Variants in POLR2C observed in about 807,000 individuals in gnomAD.
POLR2C encodes the protein DNA-directed RNA polymerase II subunit RPB3.
In POLR2C, 36 loss-of-function variants were observed where a neutral mutation model predicts 41.7. That is an observed-to-expected ratio of 0.86 (90% CI 0.66 to 1.14). The LOEUF (loss-of-function observed/expected upper bound fraction) is 1.14, where lower values mean the gene tolerates loss of function less well. Ranked by LOEUF, POLR2C falls within the 50% of genes most tolerant of loss-of-function variation. The pLI is 0.00. For synonymous variants in POLR2C, 133 were observed against 137.8 expected, an observed-to-expected ratio of 0.96 and a Z score of 0.25; for missense variants, 260 against 350.4, an observed-to-expected ratio of 0.74 and a Z score of 2.06.
intron 2 of POLR2C, 95 bp downstream of exon 2, chr16:57,463,173 G>A: frequency 9.8e-7 from 1 of 1,015,242 alleles, no homozygotes; most frequent in East Asian, 2.4e-5. Context: ...CCTTGGTTCG[G>A]GCTGAGGGTG....
chr16:57,469,446 T>C lies in POLR2C; in HGVS notation c.387+153T>C, dbSNP rs1290182387. The C allele has an allele frequency of 3.8e-5, 33 of 873,066 alleles. No homozygotes were observed. Among genetic ancestry groups the C allele is most frequent in the Non-Finnish European group, 6.0e-5 (32 of 536,914 alleles). 54.1% of individuals were successfully genotyped at this position (873,066 alleles called of 1,614,324 possible). On this transcript the variant is annotated intron_variant, in intron 5 of 8. Transcript: ENST00000219252. This position sits in a 1 kb window ranked among gnomAD's most constrained non-coding sequence, Gnocchi z 5.8. ...ATCCCTAGAAGTGCTAATTCTGGAT[T>C]CCTCTTGGGCATCGTTAGCATCGTT...
In POLR2C at chr16:57,471,021, A is replaced by G. The variant is rs1388197071; in HGVS notation, c.730A>G (p.Ile244Val). The change falls in exon 9 of 9, where the codon ATT becomes GTT. Residue 244 changes from isoleucine to valine, a missense_variant. By Grantham distance (29) the Ile-to-Val change is conservative (BLOSUM62 3). Coordinates refer to ENST00000219252, the MANE Select transcript of POLR2C (RefSeq NM_032940.3). ...CTGTGGCTCTCTGCGTCCTGAAACC[A>G]TTGTCCTGTCAGCCCTCTCAGGATT... Reference protein sequence around the residue: ...ESCGSLRPETIVLSALSGLKK... With the variant: ...ESCGSLRPETVVLSALSGLKK... 1.9e-6 allele frequency: 3 copies of G among 1,613,556 alleles called. No homozygotes were observed. The highest frequency in any genetic ancestry group is 2.7e-5 in the African/African-American group (2 of 74,862).
intron 2 of POLR2C, chr16:57,463,555 A>G: frequency 9.6e-6 from 4 of 417,004 alleles, no homozygotes; most frequent in South Asian, 6.8e-5. Flanking sequence ...TTCCAGCTCT[A>G]GTAGTCACCA....
Position 57,466,335 on chromosome 16 carries a change from G to C in POLR2C, c.258+108G>C, listed in dbSNP as rs538163088. On this transcript the variant is annotated intron_variant, in intron 4 of 8. Transcript: ENST00000219252. ...CAGCTTGAATACTGTTGTAGTTCTG[G>C]AACAACAACGTGGAGATGTTGTCTA... 4.4e-5 allele frequency: 33 copies of C among 748,322 alleles called. No homozygotes were observed. In the South Asian group the frequency reaches 5.8e-4, roughly 13 times the overall value. 46.4% of individuals were successfully genotyped at this position (748,322 alleles called of 1,614,324 possible). A position where few individuals can be genotyped will look rare whatever the true frequency, so the allele number is the denominator to read the frequency against.
intron 4 of POLR2C, among the ~76,000 whole-genome samples, chr16:57,466,909 TATATC>T (rs1866529392): frequency 6.6e-6 from 1 of 152,096 alleles, no homozygotes; most frequent in Admixed American, 6.6e-5. Flanking sequence ...GCTAATTTGA[TATATC>T]TTATAAATAT....
Position 57,469,549 on chromosome 16 carries a change from C to G in POLR2C, c.388-161C>G. 1 of 756,120 alleles carries G rather than the reference C, an allele frequency of 1.3e-6. No homozygotes were observed. Among genetic ancestry groups the G allele is most frequent in the South Asian group, 1.6e-5 (1 of 64,296 alleles). The allele number at this position is 756,120 out of a possible 1,614,324, so 46.8% of individuals were successfully genotyped here. A position where few individuals can be genotyped will look rare whatever the true frequency, so the allele number is the denominator to read the frequency against. On this transcript the variant is annotated intron_variant, in intron 5 of 8. Coordinates refer to ENST00000219252, the MANE Select transcript of POLR2C (RefSeq NM_032940.3). The surrounding 1 kb of genome is among the most constrained non-coding windows in gnomAD (Gnocchi z 5.8). ...TTTTGCCTGAGGCTACCACCACACC[C>G]TGAAGTGGGGGTTGGAGTCCTGGGG...
chr16:57,466,419 G>C (rs1175197597), intron 4 of POLR2C, among the ~76,000 whole-genome samples, 192 bp downstream of exon 4: 1 of 152,238 alleles, frequency 6.6e-6, no homozygotes, highest in East Asian at 1.9e-4. Context: ...TTAGCACGCA[G>C]AACATCAGGG....
At position 57,469,421 on chromosome 16, in the gene POLR2C, A is replaced by C. The variant is rs1412231517; in HGVS notation, c.387+128A>C. 9.5e-7 allele frequency: 1 copy of C among 1,051,582 alleles called. No homozygotes were observed. The highest frequency in any genetic ancestry group is 1.5e-6 in the Non-Finnish European group (1 of 686,862). 65.1% of individuals were successfully genotyped at this position (1,051,582 alleles called of 1,614,324 possible). A position where few individuals can be genotyped will look rare whatever the true frequency, so the allele number is the denominator to read the frequency against. ...CCCTGTTACCCTCTGCCTTAATCTG[A>C]TCCCTAGAAGTGCTAATTCTGGATT... On this transcript the variant is annotated intron_variant, in intron 5 of 8. Transcript: ENST00000219252. The surrounding 1 kb of genome is among the most constrained non-coding windows in gnomAD (Gnocchi z 5.8).
chr16:57,469,346 TG>T lies in POLR2C; in HGVS notation c.387+55del. 6.3e-7 allele frequency: 1 copy of T among 1,595,002 alleles called. No homozygotes were observed. The highest frequency in any genetic ancestry group is 2.2e-5 in the East Asian group (1 of 44,798). On this transcript the variant is annotated intron_variant, in intron 5 of 8. Transcript: ENST00000219252. This position sits in a 1 kb window ranked among gnomAD's most constrained non-coding sequence, Gnocchi z 5.8. ...CCTGGGATCTTTTCTCTTCTCTGGC[TG>T]GCTCCAAGTGGGCCAGACTGGGGTT...
In POLR2C at chr16:57,462,785, T is replaced by G; in HGVS notation, c.61T>G (p.Phe21Val). The G allele has an allele frequency of 3.1e-6, 5 of 1,609,350 alleles. No homozygotes were observed. The highest frequency in any genetic ancestry group is 4.2e-6 in the Non-Finnish European group (5 of 1,177,784). Residue 21 changes from phenylalanine to valine, a missense_variant, in exon 1 of 9, where the codon TTC becomes GTC. Physicochemically the swap from Phe to Val is conservative, Grantham distance 50 (BLOSUM62 -1). Coordinates refer to ENST00000219252, the MANE Select transcript of POLR2C (RefSeq NM_032940.3). The stretch of plus-strand genomic sequence containing the variant: ...GGAGCTCACTGACGAGAATGTCAAG[T>G]TCATCATCGAGAACACCGACCTGGC... ...ITELTDENVK[F>V]IIENTDLAVA...
At chr16:57,468,756 T>C (rs1467694167) in intron 4 of POLR2C, among the ~76,000 whole-genome samples, 1 of 152,190 alleles carries the variant, frequency 6.6e-6, no homozygotes, top group Non-Finnish European at 1.5e-5. Context: ...GGTTTTATTT[T>C]AAATGATGGT....
chr16:57,463,096 C>A lies in POLR2C; in HGVS notation c.136+18C>A. ...CATAATAGGTAAGCGACTCCCCTTC[C>A]TCGTTCCCGCGCCCACGGGTTCCTG... On this transcript the variant is annotated intron_variant, in intron 2 of 8. Coordinates refer to ENST00000219252, the MANE Select transcript of POLR2C (RefSeq NM_032940.3). 1 of 1,601,276 alleles carries A rather than the reference C, an allele frequency of 6.2e-7. No individual in the cohort carries two copies. The highest frequency in any genetic ancestry group is 8.6e-7 in the Non-Finnish European group (1 of 1,169,118).
chr16:57,469,112 G>A lies in POLR2C; in HGVS notation c.259-53G>A. ...GCAGGAAGCCAAGACAAGGAGCCAAGGCAGGAGTTGCCATCTCCCTTTGAC... is the reference window on the plus strand; with the variant it reads ...GCAGGAAGCCAAGACAAGGAGCCAAAGCAGGAGTTGCCATCTCCCTTTGAC... On this transcript the variant is annotated intron_variant, in intron 4 of 8. Coordinates refer to ENST00000219252, the MANE Select transcript of POLR2C (RefSeq NM_032940.3). The surrounding 1 kb of genome is among the most constrained non-coding windows in gnomAD (Gnocchi z 5.8). The A allele has an allele frequency of 4.4e-6, 7 of 1,585,144 alleles. No homozygotes were observed. Among genetic ancestry groups the A allele is most frequent in the Non-Finnish European group, 6.0e-6 (7 of 1,158,312 alleles).
chr16:57,470,060 C>T lies in POLR2C; in HGVS notation c.539C>T (p.Ala180Val). 1 of 1,614,180 alleles carries T rather than the reference C, an allele frequency of 6.2e-7. No individual in the cohort carries two copies. ...GAGCATGCCAAGTGGAACCCTACTG[C>T]AGGGGTGGCTTTTGAATACGATCCA... ...GKEHAKWNPT[A>V]GVAFEYDPDN... The change falls in exon 7 of 9, where the codon GCA (alanine) becomes GTA (valine). Residue 180 changes from alanine to valine, a missense_variant. Coordinates refer to ENST00000219252, the MANE Select transcript of POLR2C (RefSeq NM_032940.3).
intron 2 of POLR2C, 129 bp from the exon 3 acceptor site, chr16:57,465,824 A>G (rs1598043225): frequency 4.2e-6 from 3 of 707,884 alleles, no homozygotes; most frequent in African/African-American, 3.5e-5. Context: ...GCCCCACTCT[A>G]ATGCTGTGGA....
Position 57,471,262 on chromosome 16 carries a change from T to A in POLR2C, c.*143T>A. On this transcript the variant is annotated 3_prime_UTR_variant, in exon 9 of 9. Transcript: ENST00000219252. ...GCAGGACATCAGTACCAACTAGAAG[T>A]GGGTCATAGATAGATTACCAGGGAT... The A allele has an allele frequency of 1.5e-6, 1 of 688,164 alleles. No homozygotes were observed. The highest frequency in any genetic ancestry group is 2.5e-6 in the Non-Finnish European group (1 of 398,292). 42.6% of individuals were successfully genotyped at this position (688,164 alleles called of 1,614,324 possible). A position where few individuals can be genotyped will look rare whatever the true frequency, so the allele number is the denominator to read the frequency against.
In POLR2C at chr16:57,469,894, C is replaced by T. The variant is rs1181275933; in HGVS notation, c.440-67C>T. On this transcript the variant is annotated intron_variant, in intron 6 of 8. Coordinates refer to ENST00000219252, the MANE Select transcript of POLR2C (RefSeq NM_032940.3). This position sits in a 1 kb window ranked among gnomAD's most constrained non-coding sequence, Gnocchi z 5.8. Reference sequence around the variant, plus strand: ...AGATGTGTGTGGTCTTGCAGTGGCACTCCAAGTCAGAATTTGGAGAAGCAT... The same window carrying T: ...AGATGTGTGTGGTCTTGCAGTGGCATTCCAAGTCAGAATTTGGAGAAGCAT... 4 of 1,599,020 alleles carry T rather than the reference C, an allele frequency of 2.5e-6. No individual in the cohort carries two copies. The highest frequency in any genetic ancestry group is 2.2e-5 in the East Asian group (1 of 44,742).
intron 2 of POLR2C, among the ~76,000 whole-genome samples, chr16:57,465,462 A>G (rs1355346024): frequency 1.2e-4 from 19 of 152,236 alleles, no homozygotes; most frequent in African/African-American, 4.3e-4. Context: ...TTGCGCATTA[A>G]AAGAATTCAG....
In POLR2C at chr16:57,470,892, G is replaced by A. The variant is rs775162754; in HGVS notation, c.684-83G>A. The A allele has an allele frequency of 3.8e-5, 52 of 1,385,132 alleles. No homozygotes were observed. In the Middle Eastern group the frequency reaches 9.0e-4, roughly 24 times the overall value. 85.8% of individuals were successfully genotyped at this position (1,385,132 alleles called of 1,614,324 possible). A position where few individuals can be genotyped will look rare whatever the true frequency, so the allele number is the denominator to read the frequency against. On this transcript the variant is annotated intron_variant, in intron 8 of 8. Transcript: ENST00000219252. ...CCATGTGGGAACAGAGCCAAGACCCGGAAGGAGGAAGGGTTGTCCATGGCC... is the reference window on the plus strand; with the variant it reads ...CCATGTGGGAACAGAGCCAAGACCCAGAAGGAGGAAGGGTTGTCCATGGCC...
Sources: allele counts gnomAD v4.1 joint callset (sites outside exome capture counted in the v4.1 genomes callset), GRCh38; gene constraint gnomAD v4.1.1; non-coding constraint Gnocchi (gnomAD v3.1); transcripts MANE v1.5; gene names NCBI Gene and HGNC (gene_info 2026-07-23, HGNC 2026-07-21).